KLC1: variants seen among roughly 807,000 people sequenced by gnomAD.
KLC1 encodes the protein kinesin light chain 1.
Under a neutral mutation model 84.2 loss-of-function variants are expected in KLC1, and 30 were observed. That is an observed-to-expected ratio of 0.36 (90% CI 0.27 to 0.48). KLC1 has a LOEUF of 0.48. KLC1 is among the 20% of genes least tolerant of loss of function. The pLI, the probability that KLC1 is intolerant of heterozygous loss-of-function variation, is 0.99. For synonymous variants in KLC1, 289 were observed against 293.3 expected, an observed-to-expected ratio of 0.99 and a Z score of 0.15; for missense variants, 499 against 805.4, an observed-to-expected ratio of 0.62 and a Z score of 4.60.
Position 103,636,456 on chromosome 14 carries a change from G to A in KLC1, c.-2+6962G>A, listed in dbSNP as rs889438097. ...GCTGGTCTTGAACTCCTGACCTCAG[G>A]TGATCACCCCCCATCGGCCTCCCAA... On this transcript the variant is annotated intron_variant, in intron 1 of 16. Transcript: ENST00000334553. 8.5e-5 allele frequency among the ~76,000 whole-genome samples: 13 copies of A among 152,204 alleles called. 1 individual carries two copies. The highest frequency in any genetic ancestry group is 6.2e-4 in the South Asian group (3 of 4,824).
chr14:103,690,414 G>C lies in KLC1; in HGVS notation c.1782-1945G>C, dbSNP rs559708870. On this transcript the variant is annotated intron_variant, in intron 14 of 16. Coordinates refer to ENST00000334553, the MANE Select transcript of KLC1 (RefSeq NM_001394837.1). ...TTTGCCTGGGGATAAGGAAATTCAG[G>C]TCTTGCTTTTGGTGCAGTTGTTCGG... Among the ~76,000 whole-genome samples the C allele has an allele frequency of 4.0e-4, 61 of 152,298 alleles. 1 individual carries two copies. The South Asian group carries it at 8.7e-3, about 22-fold the overall frequency.
chr14:103,695,393 G>GA, intron 15 of KLC1: 1 of 979,532 alleles, frequency 1.0e-6, no homozygotes, highest in Non-Finnish European at 1.2e-6. Context: ...AATTTGATGG[G>GA]TTGTGAGAAG....
intron 15 of KLC1, among the ~76,000 whole-genome samples, chr14:103,692,885 C>T (rs2082202925): frequency 1.3e-5 from 2 of 152,336 alleles, no homozygotes; most frequent in South Asian, 4.1e-4. Context: ...GACACTAAAA[C>T]CTGAAGCACT....
At chr14:103,679,257 C>G in intron 12 of KLC1, 127 bp from the exon 13 acceptor site, 1 of 1,276,068 alleles carries the variant, frequency 7.8e-7, no homozygotes, top group Non-Finnish European at 1.1e-6. Flanking sequence ...AACCACTCTT[C>G]CAATGTTTTT....
At position 103,642,458 on chromosome 14, in the gene KLC1, T is replaced by C. The variant is rs557542505; in HGVS notation, c.-1-12106T>C. Among the ~76,000 whole-genome samples the C allele has an allele frequency of 1.2e-4, 19 of 152,288 alleles. No homozygotes were observed. The East Asian group carries it at 3.1e-3, about 25-fold the overall frequency. Reference sequence around the variant, plus strand: ...CCTTAAATTTGGGTTTGTCTTGATATTTTTCCCATGGTTAAGTCAGGGTTA... The same window carrying C: ...CCTTAAATTTGGGTTTGTCTTGATACTTTTCCCATGGTTAAGTCAGGGTTA... On this transcript the variant is annotated intron_variant, in intron 1 of 16. Transcript: ENST00000334553.
chr14:103,670,502 A>T (rs576909542), intron 7 of KLC1, among the ~76,000 whole-genome samples: 2 of 151,620 alleles, frequency 1.3e-5, no homozygotes, highest in South Asian at 4.2e-4. Context: ...ACGTCCACCT[A>T]ATTTTTGTAT....
intron 13 of KLC1, among the ~76,000 whole-genome samples, chr14:103,682,102 G>A (rs2081391467): frequency 6.6e-6 from 1 of 152,086 alleles, no homozygotes; most frequent in Non-Finnish European, 1.5e-5. Context: ...CGGGCGCGGT[G>A]GCTCACACCT....
At chr14:103,695,396 G>C in intron 15 of KLC1, 3 of 981,958 alleles carry the variant, frequency 3.1e-6, no homozygotes, top group Non-Finnish European at 3.6e-6. Context: ...TTGATGGGTT[G>C]TGAGAAGCCA....
intron 10 of KLC1, 27 bp from the exon 11 acceptor site, chr14:103,675,662 C>T: frequency 6.2e-7 from 1 of 1,603,720 alleles, no homozygotes; most frequent in Non-Finnish European, 8.5e-7. Flanking sequence ...GATAATTATT[C>T]ATTTGAAATT....
intron 5 of KLC1, 34 bp from the exon 6 acceptor site, chr14:103,669,477 A>C (rs376484826): frequency 1.0e-4 from 124 of 1,189,938 alleles, no homozygotes; most frequent in Non-Finnish European, 1.5e-4. Flanking sequence ...AGTGATCTAC[A>C]TCTGAAACAC....
At chr14:103,630,242 TAAAA>T (rs2076573912) in intron 1 of KLC1, among the ~76,000 whole-genome samples, 1 of 151,540 alleles carries the variant, frequency 6.6e-6, no homozygotes, top group African/African-American at 2.4e-5. Flanking sequence ...TTAAGAAAAT[TAAAA>T]TAAAGCGTAA....
intron 2 of KLC1, among the ~76,000 whole-genome samples, chr14:103,655,520 T>G (rs1313860922): frequency 6.6e-6 from 1 of 151,970 alleles, no homozygotes; most frequent in African/African-American, 2.4e-5. Context: ...TAGGCTGGTC[T>G]TGAACTCCCA....
intron 13 of KLC1, chr14:103,685,637 G>T: frequency 7.8e-7 from 1 of 1,289,412 alleles, no homozygotes; most frequent in Non-Finnish European, 1.0e-6. Flanking sequence ...CTGTCTGACA[G>T]GCCTAGCCGC....
intron 14 of KLC1, among the ~76,000 whole-genome samples, chr14:103,689,417 A>AC (rs1392890242): frequency 6.6e-6 from 1 of 152,228 alleles, no homozygotes; most frequent in Non-Finnish European, 1.5e-5. Flanking sequence ...GAACCATGTG[A>AC]CATAGATGCA....
chr14:103,687,231 C>G lies in KLC1; in HGVS notation c.1781+20C>G. On this transcript the variant is annotated intron_variant, in intron 14 of 16. Transcript: ENST00000334553. ...CCCCGGGTAACTATCTCTTCCAGCTCTCCCGACTCCCTGCACGCCGGCTGC... is the reference window on the plus strand; with the variant it reads ...CCCCGGGTAACTATCTCTTCCAGCTGTCCCGACTCCCTGCACGCCGGCTGC... 1 of 1,524,324 alleles carries G rather than the reference C, an allele frequency of 6.6e-7. No homozygotes were observed. Among genetic ancestry groups the G allele is most frequent in the Non-Finnish European group, 8.9e-7 (1 of 1,128,266 alleles). 94.4% of individuals were successfully genotyped at this position (1,524,324 alleles called of 1,614,324 possible).
chr14:103,644,043 A>G (rs943610320), intron 1 of KLC1, among the ~76,000 whole-genome samples: 1 of 151,728 alleles, frequency 6.6e-6, no homozygotes, highest in African/African-American at 2.4e-5. Flanking sequence ...GTGAAACCCC[A>G]TCTCTACTAA....
At position 103,694,224 on chromosome 14, in the gene KLC1, CG is replaced by C; in HGVS notation, c.1848+1800del. ...GTGTTCTCCCGGACGCCCCTGCACA[CG>C]AAGCCCATAGAGACGTGTGTTTCAC... On this transcript the variant is annotated intron_variant, in intron 15 of 16. Coordinates refer to ENST00000334553, the MANE Select transcript of KLC1 (RefSeq NM_001394837.1). This position sits in a 1 kb window ranked among gnomAD's most constrained non-coding sequence, Gnocchi z 4.5. 1 of 984,264 alleles carries C rather than the reference CG, an allele frequency of 1.0e-6. No individual in the cohort carries two copies. The highest frequency in any genetic ancestry group is 1.2e-6 in the Non-Finnish European group (1 of 829,744). The allele number at this position is 984,264 out of a possible 1,614,324, so 61.0% of individuals were successfully genotyped here. A position where few individuals can be genotyped will look rare whatever the true frequency, so the allele number is the denominator to read the frequency against.
chr14:103,648,450 T>G (rs913616457), intron 1 of KLC1, among the ~76,000 whole-genome samples: 3 of 152,092 alleles, frequency 2.0e-5, no homozygotes, highest in African/African-American at 7.2e-5. Flanking sequence ...GTCCTCAGAA[T>G]GTGGTAGTAC....
At chr14:103,695,926 G>A (rs861544) in intron 15 of KLC1, 654,984 of 985,110 alleles carry the variant, frequency 0.66, 219,781 homozygotes, top group Non-Finnish European at 0.69. Context: ...ATAGAAGTGC[G>A]GTGATTTCAG....
Sources: gnomAD v4.1 joint callset for allele counts (sites outside exome capture counted in the v4.1 genomes callset) on GRCh38, gnomAD v4.1.1 for gene constraint, Gnocchi (gnomAD v3.1) non-coding constraint, MANE v1.5 for transcripts, NCBI Gene and HGNC (gene_info 2026-07-23, HGNC 2026-07-21) for gene names.